The following SCD5 variants were observed in gnomAD, a reference collection of about 807,000 sequenced individuals.
SCD5 encodes stearoyl-CoA desaturase 5.
SCD5 carries 20 observed loss-of-function variants against 30.4 expected under a neutral mutation model. The observed-to-expected ratio is 0.66, with a 90% CI of 0.46 to 0.96. The LOEUF (loss-of-function observed/expected upper bound fraction) is 0.96. Among genes scored for constraint, SCD5 ranks in the 40% least tolerant of loss-of-function variants. The pLI is 0.00. For missense variants in SCD5, 381 were observed against 443.3 expected (o/e 0.86, Z 1.26); for synonymous variants, 173 against 176.4 (o/e 0.98, Z 0.16).
intron 3 of SCD5, among the ~76,000 whole-genome samples, chr4:82,667,793 T>C (rs1728223384): frequency 6.6e-6 from 1 of 152,172 alleles, no homozygotes; most frequent in Non-Finnish European, 1.5e-5. Context: ...TAACAGTAGC[T>C]GTCATTTTCA....
intron 3 of SCD5, among the ~76,000 whole-genome samples, chr4:82,668,742 A>C (rs948197135): frequency 6.6e-6 from 1 of 152,150 alleles, no homozygotes; most frequent in Non-Finnish European, 1.5e-5. Context: ...ATTTTACCTG[A>C]GTAAAATAGG....
intron 1 of SCD5, among the ~76,000 whole-genome samples, chr4:82,774,148 T>C (rs1452101545): frequency 6.6e-6 from 1 of 150,824 alleles, no homozygotes; most frequent in Non-Finnish European, 1.5e-5. Context: ...AGAAATTTAT[T>C]CTGAGGAAAT....
In SCD5 at chr4:82,631,137, C is replaced by A. The variant is rs540574122; in HGVS notation, c.*190G>T. The A allele has an allele frequency of 2.9e-5, 14 of 474,600 alleles. No homozygotes were observed. The highest frequency in any genetic ancestry group is 4.2e-5 in the African/African-American group (2 of 47,106). 29.4% of individuals were successfully genotyped at this position (474,600 alleles called of 1,614,324 possible). A position where few individuals can be genotyped will look rare whatever the true frequency, so the allele number is the denominator to read the frequency against. On this transcript the variant is annotated 3_prime_UTR_variant, in exon 5 of 5. Coordinates refer to ENST00000319540, the MANE Select transcript of SCD5 (RefSeq NM_001037582.3). Reference sequence around the variant, plus strand: ...AAAACAAAACAAACAAAAAAAAAAACGAAAGTTTTTTCATTGATAATTGTA... The same window carrying A: ...AAAACAAAACAAACAAAAAAAAAAAAGAAAGTTTTTTCATTGATAATTGTA...
chr4:82,797,039 C>T (rs1722240403), intron 1 of SCD5, among the ~76,000 whole-genome samples: 1 of 152,176 alleles, frequency 6.6e-6, no homozygotes, highest in African/African-American at 2.4e-5. Flanking sequence ...CCTCCCTGAG[C>T]CACACCCCCT....
At chr4:82,784,060 T>C (rs1337815001) in intron 1 of SCD5, among the ~76,000 whole-genome samples, 1 of 151,880 alleles carries the variant, frequency 6.6e-6, no homozygotes, top group East Asian at 1.9e-4. Context: ...ATAAAGCAAA[T>C]GAGGCAAGAT....
chr4:82,761,131 A>G (rs11729916), intron 1 of SCD5, among the ~76,000 whole-genome samples: 10,589 of 152,282 alleles, frequency 0.07, 779 homozygotes, highest in African/African-American at 0.18. Flanking sequence ...AATCAATTAC[A>G]GGTTGGCAGG....
At chr4:82,753,447 T>C (rs1433318227) in intron 1 of SCD5, 1 of 517,930 alleles carries the variant, frequency 1.9e-6, no homozygotes, top group Non-Finnish European at 4.0e-6. Context: ...CACAAAGCAG[T>C]GCGCCCCAGA....
At chr4:82,760,843 G>A (rs112268686) in intron 1 of SCD5, among the ~76,000 whole-genome samples, 1,589 of 152,282 alleles carry the variant, frequency 0.01, 20 homozygotes, top group Middle Eastern at 0.044. Flanking sequence ...TATCTAGACC[G>A]TCAGCTTCCC....
chr4:82,767,322 T>C (rs1721514441), intron 1 of SCD5, among the ~76,000 whole-genome samples: 1 of 152,126 alleles, frequency 6.6e-6, no homozygotes, highest in Non-Finnish European at 1.5e-5. Context: ...CTCTCTTCTC[T>C]CTGGAACTCT....
chr4:82,638,286 C>G (rs1449012088), intron 3 of SCD5, among the ~76,000 whole-genome samples: 1 of 152,058 alleles, frequency 6.6e-6, no homozygotes, highest in African/African-American at 2.4e-5. Flanking sequence ...GCCCTGCCCC[C>G]CCAAAAAAAA....
intron 3 of SCD5, among the ~76,000 whole-genome samples, chr4:82,641,108 G>A (rs1256809988): frequency 1.3e-5 from 2 of 152,008 alleles, no homozygotes; most frequent in Non-Finnish European, 2.9e-5. Flanking sequence ...AGGTGAACAA[G>A]GCCGGGCGTG....
chr4:82,793,411 G>C (rs1722139972), intron 1 of SCD5, among the ~76,000 whole-genome samples: 1 of 152,196 alleles, frequency 6.6e-6, no homozygotes, highest in Non-Finnish European at 1.5e-5. Context: ...AAGATGGAAT[G>C]AAAGAGAAGG....
chr4:82,712,272 A>ATG, intron 1 of SCD5, among the ~76,000 whole-genome samples: 3 of 48,926 alleles, frequency 6.1e-5, no homozygotes, highest in African/African-American at 2.8e-4. Flanking sequence ...ATATATATAT[A>ATG]TATATATATA....
At chr4:82,711,904 T>G (rs190924706) in intron 1 of SCD5, among the ~76,000 whole-genome samples, 2 of 152,108 alleles carry the variant, frequency 1.3e-5, no homozygotes, top group Admixed American at 1.3e-4. Context: ...TTTCTGATAT[T>G]ATTTCATAAA....
chr4:82,691,023 T>C (rs2148824080), intron 2 of SCD5, among the ~76,000 whole-genome samples: 1 of 147,070 alleles, frequency 6.8e-6, no homozygotes, highest in East Asian at 2.0e-4. Flanking sequence ...TGTTTGTTTG[T>C]TTTGTTTTGT....
chr4:82,781,559 G>A (rs1024105202), intron 1 of SCD5, among the ~76,000 whole-genome samples: 9 of 152,306 alleles, frequency 5.9e-5, no homozygotes, highest in Admixed American at 2.6e-4. Flanking sequence ...CTAAGTTCAT[G>A]TGTTGGAAAC....
intron 4 of SCD5, among the ~76,000 whole-genome samples, chr4:82,633,190 C>T (rs1438762219): frequency 6.6e-6 from 1 of 151,772 alleles, no homozygotes; most frequent in Non-Finnish European, 1.5e-5. Context: ...TGCTCTACTT[C>T]GTTCAACTTT....
chr4:82,766,438 C>A lies in SCD5; in HGVS notation c.232+31868G>T, dbSNP rs1721487992. Among the ~76,000 whole-genome samples the A allele has an allele frequency of 2.6e-5, 4 of 152,158 alleles. No homozygotes were observed. In the South Asian group the frequency reaches 8.3e-4, roughly 31 times the overall value. The stretch of plus-strand genomic sequence containing the variant: ...CCATCTCTAGAAGTTTAATTTGGGT[C>A]TTTTTCAACAACTTCCATGTCTCTA... On this transcript the variant is annotated intron_variant, in intron 1 of 4. Transcript: ENST00000319540.
intron 1 of SCD5, among the ~76,000 whole-genome samples, chr4:82,789,603 A>G (rs376690688): frequency 6.6e-6 from 1 of 152,230 alleles, no homozygotes; most frequent in Non-Finnish European, 1.5e-5. Flanking sequence ...GACTGTCTGC[A>G]TGTTTGTTCT....
Sources: gnomAD v4.1 joint callset for allele counts (sites outside exome capture counted in the v4.1 genomes callset) on GRCh38, gnomAD v4.1.1 for gene constraint, MANE v1.5 for transcripts, NCBI Gene and HGNC (gene_info 2026-07-23, HGNC 2026-07-21) for gene names.